METTL15: variants seen among roughly 807,000 people sequenced by gnomAD.
The protein encoded by METTL15 is 12S rRNA N(4)-cytidine methyltransferase METTL15.
A neutral mutation model predicts 38.3 loss-of-function variants in METTL15; 34 were observed. The ratio of observed to expected loss-of-function variants is 0.89; its 90% CI spans 0.68 to 1.18. The LOEUF (loss-of-function observed/expected upper bound fraction) is 1.18. METTL15 is among the 50% of genes most tolerant of loss of function. The pLI is 0.00. For synonymous variants in METTL15, 162 were observed against 170.9 expected (o/e 0.95, Z 0.41); for missense variants, 438 against 498.4 (o/e 0.88, Z 1.15).
chr11:28,372,974 A>C lies in METTL15; in HGVS notation c.*358+10938A>C, dbSNP rs1012700871. ...TCATCATTTTTTATGGCTGCATAGT[A>C]TTCCATGGTGTATATGTGCCACATT... On this transcript the variant is annotated intron_variant and NMD_transcript_variant, in intron 5 of 7. Coordinates refer to the METTL15 transcript ENST00000532947. Among the ~76,000 whole-genome samples the C allele has an allele frequency of 1.1e-4, 17 of 151,662 alleles. No individual in the cohort carries two copies. The East Asian group carries it at 2.9e-3, about 26-fold the overall frequency.
intron 2 of METTL15, among the ~76,000 whole-genome samples, chr11:28,112,238 C>G (rs1851748832): frequency 6.6e-6 from 1 of 151,934 alleles, no homozygotes; most frequent in Non-Finnish European, 1.5e-5. Flanking sequence ...GGGAAATTTC[C>G]CAAAGTGAGG....
downstream of METTL15, among the ~76,000 whole-genome samples, chr11:28,338,099 A>G (rs1480722714): frequency 2.7e-5 from 4 of 146,902 alleles, no homozygotes; most frequent in African/African-American, 1.0e-4. Flanking sequence ...TCCTGTCTTC[A>G]CCAAGACTTG....
rs898547140 is a variant in METTL15 at position 28,176,545 on chromosome 11, A to T, written c.271-34517A>T. 2.6e-5 allele frequency among the ~76,000 whole-genome samples: 4 copies of T among 152,272 alleles called. No homozygotes were observed. The South Asian group carries it at 8.3e-4, about 32-fold the overall frequency. On this transcript the variant is annotated intron_variant, in intron 3 of 6. Coordinates refer to ENST00000407364, the MANE Select transcript of METTL15 (RefSeq NM_001113528.2). ...AAGGGTTAAATCAGTTAATATTAGG[A>T]AATGTTTAGAATAGCATGTGGTACC...
chr11:28,197,542 T>C (rs143967379), intron 3 of METTL15: 3 of 444,116 alleles, frequency 6.8e-6, no homozygotes, highest in African/African-American at 6.0e-5. Flanking sequence ...AAACTGAGGC[T>C]CAGAGAAGTT....
At chr11:28,264,489 C>G (rs537123303) in intron 4 of METTL15, among the ~76,000 whole-genome samples, 4 of 152,162 alleles carry the variant, frequency 2.6e-5, no homozygotes, top group African/African-American at 9.6e-5. Flanking sequence ...TAAAGAGCCT[C>G]ACTACACTGT....
intron 4 of METTL15, among the ~76,000 whole-genome samples, chr11:28,286,990 T>A (rs1457090656): frequency 7.0e-6 from 1 of 143,876 alleles, no homozygotes; most frequent in East Asian, 2.0e-4. Context: ...CCACACTATA[T>A]ATATATGTAT....
At chr11:28,248,159 C>A (rs1306826541) in intron 4 of METTL15, among the ~76,000 whole-genome samples, 3 of 152,024 alleles carry the variant, frequency 2.0e-5, no homozygotes, top group Non-Finnish European at 4.4e-5. Context: ...CGGTTGAAAG[C>A]CATTAATGAT....
intron 5 of METTL15, among the ~76,000 whole-genome samples, chr11:28,401,465 T>C (rs1028583750): frequency 6.6e-6 from 1 of 152,050 alleles, no homozygotes; most frequent in African/African-American, 2.4e-5. Flanking sequence ...TTTCTCCTTT[T>C]ATTGACCATA....
intron 6 of METTL15, among the ~76,000 whole-genome samples, chr11:28,506,736 CTTTTT>C (rs71449180): frequency 9.0e-6 from 1 of 111,624 alleles, no homozygotes; most frequent in Non-Finnish European, 1.8e-5. Flanking sequence ...ATCTCAGTCT[CTTTTT>C]TTTTTTTTTT....
chr11:28,180,321 A>T (rs912519094), intron 3 of METTL15, among the ~76,000 whole-genome samples: 3 of 151,890 alleles, frequency 2.0e-5, no homozygotes, highest in African/African-American at 4.8e-5. Context: ...TTAATCTTTG[A>T]ACAATCCTGG....
At chr11:28,435,898 A>T (rs1283556762) in intron 6 of METTL15, among the ~76,000 whole-genome samples, 1 of 152,204 alleles carries the variant, frequency 6.6e-6, no homozygotes, top group East Asian at 1.9e-4. Context: ...TTTGAGAGTT[A>T]TATTGCTCCC....
At chr11:28,195,777 C>G (rs1196810810) in intron 3 of METTL15, among the ~76,000 whole-genome samples, 1 of 151,946 alleles carries the variant, frequency 6.6e-6, no homozygotes, top group African/African-American at 2.4e-5. Context: ...GTTATAAATT[C>G]TTTGCCTAGG....
At chr11:28,251,057 T>C (rs527344276) in intron 4 of METTL15, among the ~76,000 whole-genome samples, 2 of 152,168 alleles carry the variant, frequency 1.3e-5, no homozygotes, top group South Asian at 4.1e-4. Context: ...CTTTGAAATA[T>C]ATCTTGTTTT....
intron 4 of METTL15, among the ~76,000 whole-genome samples, chr11:28,222,579 A>G (rs1052117185): frequency 3.9e-5 from 6 of 152,294 alleles, no homozygotes; most frequent in South Asian, 4.1e-4. Flanking sequence ...CTGTCCTACA[A>G]TCCCCAGTGA....
chr11:28,360,923 C>T (rs1051892499), intron 4 of METTL15, among the ~76,000 whole-genome samples: 1 of 149,648 alleles, frequency 6.7e-6, no homozygotes, highest in African/African-American at 2.5e-5. Context: ...GTTTTTTGTC[C>T]TTGCGATAGT....
At chr11:28,243,636 C>T (rs1456417445) in intron 4 of METTL15, among the ~76,000 whole-genome samples, 1 of 152,008 alleles carries the variant, frequency 6.6e-6, no homozygotes, top group African/African-American at 2.4e-5. Context: ...AGTAGCATTC[C>T]AGGATCTCCA....
chr11:28,504,105 G>C (rs1851607369), intron 6 of METTL15, among the ~76,000 whole-genome samples: 1 of 150,872 alleles, frequency 6.6e-6, no homozygotes, highest in African/African-American at 2.4e-5. Flanking sequence ...GGCTGAGGTA[G>C]GAGAATCGCT....
intron 5 of METTL15, among the ~76,000 whole-genome samples, chr11:28,404,853 A>G (rs1344235588): frequency 6.6e-6 from 1 of 152,138 alleles, no homozygotes; most frequent in African/African-American, 2.4e-5. Context: ...GTTAATAAGA[A>G]GTTGAATAAT....
intron 6 of METTL15, among the ~76,000 whole-genome samples, chr11:28,460,858 C>G (rs1430213754): frequency 1.3e-5 from 2 of 151,930 alleles, no homozygotes; most frequent in Admixed American, 1.3e-4. Flanking sequence ...GGAGGATCCT[C>G]TAAAGTAGGA....
Sources: allele counts gnomAD v4.1 joint callset (sites outside exome capture counted in the v4.1 genomes callset), GRCh38; gene constraint gnomAD v4.1.1; transcripts MANE v1.5; gene names NCBI Gene and HGNC (gene_info 2026-07-23, HGNC 2026-07-21).